Variants in C1orf174 observed in about 807,000 individuals in gnomAD.
C1orf174 encodes chromosome 1 open reading frame 174.
A neutral mutation model predicts 18.4 loss-of-function variants in C1orf174; 13 were observed. The ratio of observed to expected loss-of-function variants is 0.71; its 90% CI spans 0.46 to 1.12. The LOEUF (loss-of-function observed/expected upper bound fraction) is 1.12. Among genes scored for constraint, C1orf174 ranks in the 50% most tolerant of loss-of-function variants. The pLI, the probability that C1orf174 is intolerant of heterozygous loss-of-function variation, is 0.00. For missense variants in C1orf174, 309 were observed against 308.0 expected (o/e 1.00, Z -0.02); for synonymous variants, 100 against 118.3 (o/e 0.85, Z 1.01).
intron 1 of C1orf174, chr1:3,895,599 T>C (rs542048744): frequency 4.9e-4 from 75 of 152,170 alleles, no homozygotes; most frequent in African/African-American, 1.8e-3. Context: ...GAGCAGGCCA[T>C]TTGCTGTCCT....
Position 3,890,605 on chromosome 1 carries a change from G to A in C1orf174, c.582C>T (p.Pro194=), listed in dbSNP as rs768641014. Residue 194 remains proline (P), a synonymous_variant, in exon 3 of 4, where the codon CCC becomes CCT. Coordinates refer to ENST00000361605, the MANE Select transcript of C1orf174 (RefSeq NM_207356.3). The stretch of plus-strand genomic sequence containing the variant: ...CAACGTTTCCAAAGAACCGGCTCAC[G>A]GGCATTGGCTGATTGCTGTCGTCAT... ...FLDDDSNQPM[P]VSRFFGNVEL... is the part of the protein sequence containing the mutation. 64 of 1,613,978 alleles carry A rather than the reference G, an allele frequency of 4.0e-5. No individual in the cohort carries two copies. In the South Asian group the frequency reaches 5.8e-4, roughly 15 times the overall value.
At chr1:3,895,134 T>C (rs1005607120) in intron 1 of C1orf174, among the ~76,000 whole-genome samples, 3 of 152,236 alleles carry the variant, frequency 2.0e-5, no homozygotes, top group African/African-American at 7.2e-5. Context: ...GCTTTGCTGC[T>C]CTGTGCTGGA....
intron 2 of C1orf174, 36 bp from the exon 3 acceptor site, chr1:3,891,093 A>G: frequency 2.5e-6 from 4 of 1,570,022 alleles, no homozygotes; most frequent in Non-Finnish European, 2.6e-6. Flanking sequence ...AACCAGACAT[A>G]TCTAGCAAAT....
In C1orf174 at chr1:3,895,556, G is replaced by A. The variant is rs1638591890; in HGVS notation, c.16-2560C>T. 3 of 110,770 alleles carry A rather than the reference G, an allele frequency of 2.7e-5. No homozygotes were observed. The South Asian group carries it at 8.8e-4, about 32-fold the overall frequency. The allele number at this position is 110,770 out of a possible 1,614,324, so 6.9% of individuals were successfully genotyped here. A position where few individuals can be genotyped will look rare whatever the true frequency, so the allele number is the denominator to read the frequency against. On this transcript the variant is annotated intron_variant, in intron 1 of 3. Coordinates refer to ENST00000361605, the MANE Select transcript of C1orf174 (RefSeq NM_207356.3). ...GTTAACAGACACCTGAGGATCTGGT[G>A]GGCCTGGAAGCGCTGGCTGTTAACA...
rs745425886 is a variant in C1orf174 at position 3,893,006 on chromosome 1, T to C, written c.16-10A>G. On this transcript the variant is annotated splice_polypyrimidine_tract_variant and intron_variant, in intron 1 of 3. Coordinates refer to ENST00000361605, the MANE Select transcript of C1orf174 (RefSeq NM_207356.3). ...GCACTGCACCTGTGAGCTAGAGAGATTGAGAGCCACTCAGAGAGTGCTCTC... is the reference window on the plus strand; with the variant it reads ...GCACTGCACCTGTGAGCTAGAGAGACTGAGAGCCACTCAGAGAGTGCTCTC... The C allele has an allele frequency of 3.1e-6, 5 of 1,613,152 alleles. No homozygotes were observed. Among genetic ancestry groups the C allele is most frequent in the East Asian group, 4.5e-5 (2 of 44,870 alleles).
At position 3,897,875 on chromosome 1, in the gene C1orf174, G is replaced by A. The variant is rs1638634883; in HGVS notation, c.15+2297C>T. On this transcript the variant is annotated intron_variant, in intron 1 of 3. Transcript: ENST00000361605. ...AGATAGGGTTTCACTGTGTTAGCCAGGATGGTATCAATCTCCTGACCTTGT... is the reference window on the plus strand; with the variant it reads ...AGATAGGGTTTCACTGTGTTAGCCAAGATGGTATCAATCTCCTGACCTTGT... Among the ~76,000 whole-genome samples the A allele has an allele frequency of 2.6e-5, 4 of 152,252 alleles. No homozygotes were observed. The South Asian group carries it at 8.3e-4, about 32-fold the overall frequency.
intron 1 of C1orf174, among the ~76,000 whole-genome samples, chr1:3,894,530 C>A (rs1397592805): frequency 1.3e-5 from 2 of 149,804 alleles, no homozygotes; most frequent in African/African-American, 4.9e-5. Flanking sequence ...TGGCGTGAAC[C>A]CAGGAGGCGG....
intron 1 of C1orf174, among the ~76,000 whole-genome samples, chr1:3,897,942 C>A (rs1038617880): frequency 6.6e-6 from 1 of 152,098 alleles, no homozygotes; most frequent in Non-Finnish European, 1.5e-5. Context: ...GGATTACAGG[C>A]GTGAGCCACC....
chr1:3,891,138 C>G (rs1638503662), intron 2 of C1orf174, 81 bp from the exon 3 acceptor site: 1 of 1,460,114 alleles, frequency 6.8e-7, no homozygotes, highest in East Asian at 2.3e-5. Context: ...AGTATTTCTT[C>G]TCACATCGGA....
chr1:3,899,561 A>C (rs192409879), intron 1 of C1orf174, among the ~76,000 whole-genome samples: 185 of 152,260 alleles, frequency 1.2e-3, no homozygotes, highest in African/African-American at 4.3e-3. Context: ...CTTTTAGCAC[A>C]TTCAGTAGAT....
At chr1:3,899,451 C>T (rs769641675) in intron 1 of C1orf174, among the ~76,000 whole-genome samples, 7 of 152,180 alleles carry the variant, frequency 4.6e-5, no homozygotes, top group Middle Eastern at 3.2e-3. Flanking sequence ...GGTCCTTCGC[C>T]TTAACTGTTA....
chr1:3,900,245 G>T lies in C1orf174; in HGVS notation c.-59C>A, dbSNP rs1638688757. ...CCGGCCAACGCGTCCCGGCGGAGCG[G>T]CGACCCGGAGTCTGCAGAGCGCGCC... On this transcript the variant is annotated 5_prime_UTR_variant, in exon 1 of 4. Coordinates refer to ENST00000361605, the MANE Select transcript of C1orf174 (RefSeq NM_207356.3). The T allele has an allele frequency of 6.6e-7, 1 of 1,525,458 alleles. No individual in the cohort carries two copies. The highest frequency in any genetic ancestry group is 2.5e-5 in the East Asian group (1 of 39,288). 94.5% of individuals were successfully genotyped at this position (1,525,458 alleles called of 1,614,324 possible).
At chr1:3,899,678 G>C (rs75241169) in intron 1 of C1orf174, among the ~76,000 whole-genome samples, 104 of 152,334 alleles carry the variant, frequency 6.8e-4, no homozygotes, top group African/African-American at 2.1e-3. Context: ...GTTGAAACCA[G>C]TTCTGGAGAG....
In C1orf174 at chr1:3,900,167, C is replaced by T. The variant is rs775682658; in HGVS notation, c.15+5G>A. 3.2e-6 allele frequency: 5 copies of T among 1,586,550 alleles called. No individual in the cohort carries two copies. The highest frequency in any genetic ancestry group is 3.4e-6 in the Non-Finnish European group (4 of 1,174,864). On this transcript the variant is annotated splice_donor_5th_base_variant and intron_variant, in intron 1 of 3. Coordinates refer to ENST00000361605, the MANE Select transcript of C1orf174 (RefSeq NM_207356.3). ...GCGCAGCTGCTGCCGGGACCCAGCCCTCACCTTCCGGCTCCTCATGAGTGT... is the reference window on the plus strand; with the variant it reads ...GCGCAGCTGCTGCCGGGACCCAGCCTTCACCTTCCGGCTCCTCATGAGTGT...
intron 1 of C1orf174, among the ~76,000 whole-genome samples, chr1:3,898,552 C>A (rs114642882): frequency 2.8e-4 from 42 of 151,136 alleles, no homozygotes; most frequent in Non-Finnish European, 5.0e-4. Flanking sequence ...ACAACAACAA[C>A]AAAACTCACT....
chr1:3,893,628 C>T (rs1158051169), intron 1 of C1orf174, among the ~76,000 whole-genome samples: 1 of 152,232 alleles, frequency 6.6e-6, no homozygotes, highest in Non-Finnish European at 1.5e-5. Flanking sequence ...GGTGTGATAG[C>T]TCACACCTGT....
At chr1:3,899,974 A>G (rs1217936262) in intron 1 of C1orf174, among the ~76,000 whole-genome samples, 198 bp downstream of exon 1, 1 of 151,432 alleles carries the variant, frequency 6.6e-6, no homozygotes, top group Non-Finnish European at 1.5e-5. Context: ...CCCCCTTTTC[A>G]CAGGGGCGTG....
Position 3,889,919 on chromosome 1 carries a change from T to A in C1orf174, c.*41A>T. 1 of 1,472,154 alleles carries A rather than the reference T, an allele frequency of 6.8e-7. No homozygotes were observed. Among genetic ancestry groups the A allele is most frequent in the Non-Finnish European group, 9.5e-7 (1 of 1,051,014 alleles). The allele number at this position is 1,472,154 out of a possible 1,614,324, so 91.2% of individuals were successfully genotyped here. A position where few individuals can be genotyped will look rare whatever the true frequency, so the allele number is the denominator to read the frequency against. On this transcript the variant is annotated 3_prime_UTR_variant, in exon 4 of 4. Transcript: ENST00000361605. ...GTAATGTGCTAAATTGTCAAATTGT[T>A]AATGGTACTAAATACTCAAGGACAT...
intron 3 of C1orf174, 49 bp from the exon 4 acceptor site, chr1:3,890,122 C>T (rs1278809004): frequency 2.7e-6 from 4 of 1,456,270 alleles, no homozygotes; most frequent in South Asian, 1.1e-5. Context: ...TACATATCTG[C>T]ACCCGCATTT....
Sources: allele counts gnomAD v4.1 joint callset (sites outside exome capture counted in the v4.1 genomes callset), GRCh38; gene constraint gnomAD v4.1.1; transcripts MANE v1.5; gene names NCBI Gene and HGNC (gene_info 2026-07-23, HGNC 2026-07-21).